APBB2: variants seen among roughly 807,000 people sequenced by gnomAD.
APBB2 encodes amyloid beta precursor protein binding family B member 2, also known as Fe65-like 1.
Under a neutral mutation model 82.5 loss-of-function variants are expected in APBB2, and 38 were observed. That is an observed-to-expected ratio of 0.46 (90% CI 0.36 to 0.60). The LOEUF (loss-of-function observed/expected upper bound fraction) is 0.60, where lower values mean the gene tolerates loss of function less well. Ranked by LOEUF, APBB2 falls within the 20% of genes least tolerant of loss-of-function variation. The probability of loss-of-function intolerance (pLI) is 0.00; values close to 1 mark genes in which losing one functional copy is unlikely to be tolerated. For missense variants in APBB2, 772 were observed against 972.3 expected, an observed-to-expected ratio of 0.79 and a Z score of 2.74; for synonymous variants, 341 against 368.2, an observed-to-expected ratio of 0.93 and a Z score of 0.85.
chr4:40,864,401 A>G (rs1051405465), intron 12 of APBB2, among the ~76,000 whole-genome samples: 1 of 152,146 alleles, frequency 6.6e-6, no homozygotes, highest in African/African-American at 2.4e-5. Context: ...CTTAGCTTGC[A>G]CTCACGTAAG....
chr4:40,898,842 AACACACAC>A (rs1230808118), intron 10 of APBB2, among the ~76,000 whole-genome samples: 3 of 108,500 alleles, frequency 2.8e-5, no homozygotes, highest in African/African-American at 1.1e-4. Context: ...AGAAAAAAGA[AACACACAC>A]ACACTCACAC....
At chr4:41,209,383 A>G (rs957883694) in intron 1 of APBB2, among the ~76,000 whole-genome samples, 5 of 152,232 alleles carry the variant, frequency 3.3e-5, no homozygotes, top group Admixed American at 6.5e-5. Flanking sequence ...GACACTGAGT[A>G]GACACATTTC....
intron 12 of APBB2, chr4:40,881,380 C>G: frequency 1.0e-6 from 1 of 985,128 alleles, no homozygotes; most frequent in African/African-American, 1.7e-5. Context: ...TCAGGAAACT[C>G]TACTTCTTCC....
chr4:40,855,565 T>C (rs1560713017), intron 12 of APBB2, among the ~76,000 whole-genome samples: 2 of 151,788 alleles, frequency 1.3e-5, no homozygotes, highest in African/African-American at 4.8e-5. Flanking sequence ...TGAAATCCCG[T>C]CTCTACTCAA....
intron 2 of APBB2, among the ~76,000 whole-genome samples, chr4:41,134,350 C>T (rs938252761): frequency 1.3e-5 from 2 of 151,982 alleles, no homozygotes; most frequent in Non-Finnish European, 1.5e-5. Context: ...GAGGCCAAGG[C>T]GGGCTGATCA....
intron 1 of APBB2, among the ~76,000 whole-genome samples, chr4:41,183,642 G>C (rs975256474): frequency 6.6e-6 from 1 of 151,994 alleles, no homozygotes; most frequent in African/African-American, 2.4e-5. Flanking sequence ...AGCTAGGAGA[G>C]AGGGATGGAA....
intron 6 of APBB2, among the ~76,000 whole-genome samples, chr4:40,970,033 C>T (rs2154397711): frequency 6.6e-6 from 1 of 152,270 alleles, no homozygotes; most frequent in Middle Eastern, 3.4e-3. Context: ...CCTAAACCTG[C>T]CTACGTCAGA....
chr4:40,862,308 G>T (rs1192653563), intron 12 of APBB2, among the ~76,000 whole-genome samples: 1 of 152,174 alleles, frequency 6.6e-6, no homozygotes, highest in Admixed American at 6.5e-5. Flanking sequence ...ACATAGATAT[G>T]AATTTGAACT....
intron 12 of APBB2, among the ~76,000 whole-genome samples, chr4:40,889,563 G>A (rs928003308): frequency 6.6e-6 from 1 of 152,214 alleles, no homozygotes; most frequent in Non-Finnish European, 1.5e-5. Context: ...GCTAGGAGAT[G>A]CTCTAGTACC....
At chr4:40,946,018 AG>A (rs1187396429) in intron 6 of APBB2, among the ~76,000 whole-genome samples, 1 of 152,134 alleles carries the variant, frequency 6.6e-6, no homozygotes, top group Non-Finnish European at 1.5e-5. Context: ...GGATCACCTG[AG>A]GTCAGGAGTT....
intron 5 of APBB2, among the ~76,000 whole-genome samples, chr4:41,032,390 A>G (rs2154441943): frequency 6.6e-6 from 1 of 152,252 alleles, no homozygotes; most frequent in East Asian, 1.9e-4. Flanking sequence ...TTGTATGTAG[A>G]CTAGCATCTA....
chr4:41,014,462 A>C, intron 5 of APBB2, 64 bp from the exon 6 acceptor site: 1 of 1,416,390 alleles, frequency 7.1e-7, no homozygotes, highest in Non-Finnish European at 9.8e-7. Flanking sequence ...CAGTGTGAGT[A>C]AATATTTTTA....
At chr4:41,093,135 C>T (rs1263068318) in intron 3 of APBB2, among the ~76,000 whole-genome samples, 2 of 152,160 alleles carry the variant, frequency 1.3e-5, no homozygotes, top group African/African-American at 4.8e-5. Flanking sequence ...GAAAGAAACC[C>T]CAGAGTTTTT....
intron 1 of APBB2, among the ~76,000 whole-genome samples, chr4:41,175,490 A>G (rs1769510604): frequency 6.6e-6 from 1 of 152,144 alleles, no homozygotes; most frequent in Non-Finnish European, 1.5e-5. Flanking sequence ...AAAAGATTGG[A>G]AATAAAAAAG....
chr4:40,981,834 T>C (rs2048176), intron 6 of APBB2, among the ~76,000 whole-genome samples: 27,083 of 152,068 alleles, frequency 0.18, 2,782 homozygotes, highest in Middle Eastern at 0.25. Context: ...CCAGGCACAG[T>C]GGCTAATGCA....
chr4:41,065,834 C>T (rs1731586021), intron 3 of APBB2, among the ~76,000 whole-genome samples, 161 bp from the exon 4 acceptor site: 1 of 151,492 alleles, frequency 6.6e-6, no homozygotes, highest in South Asian at 2.1e-4. Flanking sequence ...ATGAAGTCTC[C>T]CTGTCACCGC....
chr4:40,912,458 T>C (rs1778814362), intron 10 of APBB2, among the ~76,000 whole-genome samples: 1 of 151,878 alleles, frequency 6.6e-6, no homozygotes, highest in African/African-American at 2.4e-5. Context: ...GCGCCTGTAA[T>C]CCCAGATACT....
intron 1 of APBB2, among the ~76,000 whole-genome samples, chr4:41,161,412 G>A (rs2154039958): frequency 6.6e-6 from 1 of 152,210 alleles, no homozygotes; most frequent in East Asian, 1.9e-4. Flanking sequence ...TTCAAGACTA[G>A]CCTGGGCAAG....
chr4:41,023,156 T>G (rs1026789901), intron 5 of APBB2, among the ~76,000 whole-genome samples: 1 of 152,224 alleles, frequency 6.6e-6, no homozygotes, highest in East Asian at 1.9e-4. Flanking sequence ...GGTACTTCCC[T>G]GTCAAACATG....
Sources: gnomAD v4.1 joint callset for allele counts (sites outside exome capture counted in the v4.1 genomes callset) on GRCh38, gnomAD v4.1.1 for gene constraint, MANE v1.5 for transcripts, NCBI Gene and HGNC (gene_info 2026-07-23, HGNC 2026-07-21) for gene names.